FGGY: variants seen among roughly 807,000 people sequenced by gnomAD.
FGGY encodes the protein FGGY carbohydrate kinase domain containing.
A neutral mutation model predicts 71.3 loss-of-function variants in FGGY; 72 were observed. The ratio of observed to expected loss-of-function variants is 1.01; its 90% confidence interval spans 0.84 to 1.23. FGGY has a LOEUF of 1.23. FGGY is among the 50% of genes most tolerant of loss of function. FGGY has a pLI of 0.00. For missense variants in FGGY, 668 were observed against 682.3 expected, an observed-to-expected ratio of 0.98 and a Z score of 0.23; for synonymous variants, 251 against 250.3, an observed-to-expected ratio of 1.00 and a Z score of -0.02.
intron 6 of FGGY, among the ~76,000 whole-genome samples, chr1:59,458,317 TTTAC>T (rs2091905493): frequency 1.3e-5 from 2 of 152,228 alleles, no homozygotes; most frequent in Admixed American, 1.3e-4. Context: ...TTTTCACTTA[TTTAC>T]CTTTGTATTT....
intron 5 of FGGY, among the ~76,000 whole-genome samples, chr1:59,430,351 A>C (rs941179732): frequency 6.6e-6 from 1 of 152,152 alleles, no homozygotes. Flanking sequence ...TTTTGGTCCA[A>C]ACCACCCTGA....
At chr1:59,754,102 T>G (rs911736727) in intron 14 of FGGY, among the ~76,000 whole-genome samples, 7 of 152,242 alleles carry the variant, frequency 4.6e-5, no homozygotes, top group African/African-American at 1.7e-4. Flanking sequence ...ATTAGCTTTT[T>G]TCTTGTTCCT....
intron 5 of FGGY, among the ~76,000 whole-genome samples, chr1:59,419,484 C>CT (rs1045450997): frequency 6.6e-6 from 1 of 152,054 alleles, no homozygotes; most frequent in African/African-American, 2.4e-5. Context: ...TGGATATGCT[C>CT]TTTTTATATC....
At chr1:59,612,734 G>A (rs1269555486) in intron 9 of FGGY, among the ~76,000 whole-genome samples, 6 of 152,184 alleles carry the variant, frequency 3.9e-5, no homozygotes, top group African/African-American at 1.2e-4. Context: ...CCATCCATGT[G>A]CTGTATTCAG....
chr1:59,630,388 C>T (rs2096897803), intron 10 of FGGY, among the ~76,000 whole-genome samples: 1 of 152,256 alleles, frequency 6.6e-6, no homozygotes, highest in South Asian at 2.1e-4. Context: ...TCATACCTTG[C>T]CTGCCTTCTT....
At chr1:59,484,788 G>C (rs2093609302) in intron 6 of FGGY, among the ~76,000 whole-genome samples, 1 of 152,144 alleles carries the variant, frequency 6.6e-6, no homozygotes, top group East Asian at 1.9e-4. Context: ...ACTTATAAAA[G>C]ATAGGTTATC....
intron 6 of FGGY, among the ~76,000 whole-genome samples, chr1:59,510,249 A>G (rs953871881): frequency 8.6e-5 from 13 of 152,022 alleles, no homozygotes; most frequent in Non-Finnish European, 1.5e-4. Context: ...TCTTCTGTAA[A>G]CCACAATTTT....
chr1:59,612,457 G>C (rs560098863), intron 9 of FGGY, among the ~76,000 whole-genome samples: 10 of 152,232 alleles, frequency 6.6e-5, no homozygotes, highest in African/African-American at 2.4e-4. Context: ...GAGAGATTTT[G>C]TCACCACCAG....
At chr1:59,546,553 T>TATTA in intron 7 of FGGY, among the ~76,000 whole-genome samples, 1 of 150,036 alleles carries the variant, frequency 6.7e-6, no homozygotes, top group African/African-American at 2.4e-5. Context: ...TTATTATTAT[T>TATTA]TGAGACGGAG....
intron 14 of FGGY, chr1:59,755,048 C>T (rs1413987769): frequency 2.6e-5 from 4 of 152,212 alleles, no homozygotes; most frequent in Non-Finnish European, 5.9e-5. Context: ...CTTCATACTT[C>T]ACCCTGGAAG....
chr1:59,481,265 T>C (rs1253866706), intron 6 of FGGY, among the ~76,000 whole-genome samples: 1 of 152,152 alleles, frequency 6.6e-6, no homozygotes, highest in Non-Finnish European at 1.5e-5. Context: ...TTTAAAAATT[T>C]TAGAATGTTA....
chr1:59,717,533 A>G (rs192752930), intron 14 of FGGY, among the ~76,000 whole-genome samples: 424 of 152,242 alleles, frequency 2.8e-3, no homozygotes, highest in South Asian at 5.4e-3. Context: ...CAGAAGTGTG[A>G]TATTCGATGG....
chr1:59,334,203 C>G (rs1216365522), intron 2 of FGGY, among the ~76,000 whole-genome samples: 1 of 152,124 alleles, frequency 6.6e-6, no homozygotes, highest in African/African-American at 2.4e-5. Context: ...AGTACAGTTG[C>G]ATGGTCTTGG....
intron 4 of FGGY, among the ~76,000 whole-genome samples, chr1:59,362,023 G>A (rs533291015): frequency 6.6e-6 from 1 of 152,210 alleles, no homozygotes; most frequent in African/African-American, 2.4e-5. Flanking sequence ...CCGCGAACAC[G>A]GCTGATTTCT....
chr1:59,432,656 C>A (rs759865511), intron 5 of FGGY, among the ~76,000 whole-genome samples: 2 of 152,184 alleles, frequency 1.3e-5, no homozygotes, highest in Non-Finnish European at 2.9e-5. Flanking sequence ...GCTTCCCAAT[C>A]TTTTGTGCCT....
At chr1:59,635,538 A>C (rs1293549351) in intron 10 of FGGY, among the ~76,000 whole-genome samples, 7 of 143,358 alleles carry the variant, frequency 4.9e-5, no homozygotes, top group African/African-American at 1.9e-4. Context: ...AGATTTATAG[A>C]CATGCGTTTC....
At chr1:59,316,882 C>A (rs1017323079) in intron 1 of FGGY, among the ~76,000 whole-genome samples, 7 of 152,132 alleles carry the variant, frequency 4.6e-5, no homozygotes, top group African/African-American at 1.7e-4. Context: ...CGCCTGACCA[C>A]CCTCCCCATA....
chr1:59,384,188 A>C (rs1423494025), intron 5 of FGGY, among the ~76,000 whole-genome samples: 3 of 152,050 alleles, frequency 2.0e-5, no homozygotes, highest in Non-Finnish European at 2.9e-5. Context: ...CTCATGACTC[A>C]TTCTATTTTC....
chr1:59,393,147 C>T (rs571169266), intron 5 of FGGY: 2 of 152,360 alleles, frequency 1.3e-5, no homozygotes, highest in Non-Finnish European at 2.9e-5. Flanking sequence ...ACCTCCTCCT[C>T]TTCTCCCCAA....
Sources: gnomAD v4.1 joint callset for allele counts (sites outside exome capture counted in the v4.1 genomes callset) on GRCh38, gnomAD v4.1.1 for gene constraint, MANE v1.5 for transcripts, NCBI Gene and HGNC (gene_info 2026-07-23, HGNC 2026-07-21) for gene names.